LEPR: variants seen among roughly 807,000 people sequenced by gnomAD.
LEPR encodes the protein OB receptor.
LEPR carries 56 observed loss-of-function variants against 114.7 expected under a neutral mutation model. The ratio of observed to expected loss-of-function variants is 0.49; its 90% CI spans 0.39 to 0.61. The LOEUF (loss-of-function observed/expected upper bound fraction) is 0.61. LEPR is among the 20% of genes least tolerant of loss of function. The pLI, the probability that LEPR is intolerant of heterozygous loss-of-function variation, is 0.00. For missense variants in LEPR, 1,202 were observed against 1,352.9 expected, an observed-to-expected ratio of 0.89 and a Z score of 1.75; for synonymous variants, 443 against 461.4, an observed-to-expected ratio of 0.96 and a Z score of 0.51.
chr1:65,514,251 C>G (rs544952713), intron 2 of LEPR, among the ~76,000 whole-genome samples: 1 of 152,172 alleles, frequency 6.6e-6, no homozygotes, highest in Non-Finnish European at 1.5e-5. Flanking sequence ...ATATTCATGC[C>G]AGCAGATTCC....
At chr1:65,426,692 A>T (rs1646379085) in intron 2 of LEPR, among the ~76,000 whole-genome samples, 1 of 152,178 alleles carries the variant, frequency 6.6e-6, no homozygotes, top group East Asian at 1.9e-4. Context: ...TGGCTTGAAC[A>T]ACTAGATAGA....
At chr1:65,469,550 G>A (rs1213383168) in intron 2 of LEPR, among the ~76,000 whole-genome samples, 1 of 152,150 alleles carries the variant, frequency 6.6e-6, no homozygotes, top group Non-Finnish European at 1.5e-5. Flanking sequence ...GCAGAAATCA[G>A]GAGATAGAAT....
At chr1:65,500,351 T>C (rs184302995) in intron 2 of LEPR, among the ~76,000 whole-genome samples, 78 of 152,276 alleles carry the variant, frequency 5.1e-4, no homozygotes, top group Non-Finnish European at 8.5e-4. Flanking sequence ...TGTTCTGAAA[T>C]ATTTTTCCTC....
chr1:65,526,990 T>C (rs1650018408), intron 2 of LEPR, among the ~76,000 whole-genome samples: 6 of 152,198 alleles, frequency 3.9e-5, no homozygotes, highest in Admixed American at 1.3e-4. Context: ...CAGAAACATA[T>C]AGATTTATAT....
At position 65,639,332 on chromosome 1, in the gene LEPR, T is replaced by C. The variant is rs560450809; in HGVS notation, c.*2317T>C. On this transcript the variant is annotated 3_prime_UTR_variant, in exon 20 of 20. Transcript: ENST00000349533. ...CAGAAATATTGAAATTCCAAGGCACTATTTCATGGACAGTGCTGAACAAGT... is the reference window on the plus strand; with the variant it reads ...CAGAAATATTGAAATTCCAAGGCACCATTTCATGGACAGTGCTGAACAAGT... 5.3e-5 allele frequency: 8 copies of C among 152,362 alleles called. No homozygotes were observed. Among genetic ancestry groups the C allele is most frequent in the Non-Finnish European group, 1.0e-4 (7 of 68,032 alleles). 9.4% of individuals were successfully genotyped at this position (152,362 alleles called of 1,614,324 possible).
At chr1:65,518,875 T>C (rs111641383) in intron 2 of LEPR, among the ~76,000 whole-genome samples, 11 of 63,976 alleles carry the variant, frequency 1.7e-4, no homozygotes, top group East Asian at 5.3e-4. Flanking sequence ...TTCTTTCTTT[T>C]TCTTTCTTTC....
intron 2 of LEPR, among the ~76,000 whole-genome samples, chr1:65,528,498 T>C (rs1650132501): frequency 6.6e-6 from 1 of 152,116 alleles, no homozygotes; most frequent in South Asian, 2.1e-4. Flanking sequence ...TTTTTGTGAC[T>C]TAATAGTGAT....
At chr1:65,577,476 T>G (rs1654675096) in intron 5 of LEPR, 1 of 154,786 alleles carries the variant, frequency 6.5e-6, no homozygotes. Flanking sequence ...CAGATAACAA[T>G]TATGTAAGCA....
In LEPR at chr1:65,584,027, C is replaced by G. The variant is rs1475092533; in HGVS notation, c.495-8630C>G. ...TCAATAAAATAGTATTTATGGTGTG[C>G]AGCCCATAGTGCTAGGCTCTGTAAG... On this transcript the variant is annotated intron_variant, in intron 5 of 19. Coordinates refer to ENST00000349533, the MANE Select transcript of LEPR (RefSeq NM_002303.6). Among the ~76,000 whole-genome samples the G allele has an allele frequency of 2.6e-5, 4 of 152,078 alleles. No homozygotes were observed. The South Asian group carries it at 6.2e-4, about 24-fold the overall frequency.
intron 10 of LEPR, among the ~76,000 whole-genome samples, chr1:65,602,790 T>G (rs771998188): frequency 6.6e-6 from 1 of 152,140 alleles, no homozygotes; most frequent in South Asian, 2.1e-4. Flanking sequence ...CTATTCCTAA[T>G]GCTGCCAGTC....
At chr1:65,595,083 T>C (rs1467920717) in intron 6 of LEPR, among the ~76,000 whole-genome samples, 4 of 151,954 alleles carry the variant, frequency 2.6e-5, no homozygotes, top group Non-Finnish European at 4.4e-5. Flanking sequence ...CCACAGGGGA[T>C]TGGAGTAAAG....
At chr1:65,553,041 G>A (rs537131827) in intron 2 of LEPR, among the ~76,000 whole-genome samples, 23 of 152,182 alleles carry the variant, frequency 1.5e-4, no homozygotes, top group Admixed American at 1.4e-3. Flanking sequence ...TTGAATATTG[G>A]CCCCCACTCT....
Position 65,488,216 on chromosome 1 carries a change from C to CTTTCTTTCTTTCTT in LEPR, c.-21+62839_-21+62840insTTCTTTCTTTCTTT, listed in dbSNP as rs1557620258. ...TCTTTCTTTCTTTCTTTCTTTCTCT[C>CTTTCTTTCTTTCTT]TCTCTCTCTCTCTTTCTTTCTTTCT... On this transcript the variant is annotated intron_variant, in intron 2 of 19. Transcript: ENST00000349533. Among the ~76,000 whole-genome samples, 64 of 39,950 alleles carry CTTTCTTTCTTTCTT rather than the reference C, an allele frequency of 1.6e-3. 2 individuals carry two copies. Among genetic ancestry groups the CTTTCTTTCTTTCTT allele is most frequent in the South Asian group, 6.9e-3 (7 of 1,018 alleles). The allele number at this position is 39,950 out of a possible 152,430, so 26.2% of individuals were successfully genotyped here.
intron 2 of LEPR, among the ~76,000 whole-genome samples, chr1:65,544,514 T>C (rs1342661288): frequency 1.3e-5 from 2 of 151,990 alleles, no homozygotes; most frequent in Non-Finnish European, 2.9e-5. Context: ...ATTCTTGTCT[T>C]GTGCCAGTTT....
At chr1:65,542,058 A>G (rs1271161230) in intron 2 of LEPR, among the ~76,000 whole-genome samples, 1 of 152,184 alleles carries the variant, frequency 6.6e-6, no homozygotes, top group Non-Finnish European at 1.5e-5. Flanking sequence ...TATTCAGTAG[A>G]ATATAGATTT....
At chr1:65,583,202 A>G (rs748705714) in intron 5 of LEPR, among the ~76,000 whole-genome samples, 4 of 152,202 alleles carry the variant, frequency 2.6e-5, no homozygotes, top group African/African-American at 9.7e-5. Flanking sequence ...TGAGCCCAAC[A>G]ATCTTGCAGA....
chr1:65,458,197 T>A (rs1311365480), intron 2 of LEPR, among the ~76,000 whole-genome samples: 1 of 151,790 alleles, frequency 6.6e-6, no homozygotes, highest in Non-Finnish European at 1.5e-5. Flanking sequence ...AGTCTTTTTA[T>A]GTGAGATACA....
At chr1:65,625,554 G>T (rs934594004) in intron 19 of LEPR, among the ~76,000 whole-genome samples, 5 of 152,054 alleles carry the variant, frequency 3.3e-5, no homozygotes, top group Non-Finnish European at 5.9e-5. Flanking sequence ...AACATATAAT[G>T]ATCCAATCAC....
At chr1:65,451,429 T>C (rs1646783534) in intron 2 of LEPR, among the ~76,000 whole-genome samples, 1 of 152,090 alleles carries the variant, frequency 6.6e-6, no homozygotes, top group Admixed American at 6.5e-5. Flanking sequence ...TTTAAGTCTT[T>C]AATCCATCTT....
Sources: allele counts gnomAD v4.1 joint callset (sites outside exome capture counted in the v4.1 genomes callset), GRCh38; gene constraint gnomAD v4.1.1; transcripts MANE v1.5; gene names NCBI Gene and HGNC (gene_info 2026-07-23, HGNC 2026-07-21).